Variants in LZTS3 observed in about 807,000 individuals in gnomAD.
LZTS3 encodes leucine zipper tumor suppressor family member 3, also known as leucine zipper putative tumor suppressor 3.
Under a neutral mutation model 50.9 loss-of-function variants are expected in LZTS3, and 16 were observed. That is an observed-to-expected ratio of 0.31 (90% CI 0.21 to 0.48). The LOEUF is 0.48. Among genes scored for constraint, LZTS3 ranks in the 20% least tolerant of loss-of-function variants. The pLI is 0.99. For synonymous variants in LZTS3, 408 were observed against 410.6 expected, an observed-to-expected ratio of 0.99 and a Z score of 0.08; for missense variants, 816 against 931.0, an observed-to-expected ratio of 0.88 and a Z score of 1.61.
At chr20:3,169,498 G>A (rs1397211740) in intron 1 of LZTS3, among the ~76,000 whole-genome samples, 4 of 152,182 alleles carry the variant, frequency 2.6e-5, no homozygotes, top group East Asian at 1.9e-4. Context: ...GGGCACCAGC[G>A]TGCGTGTGAC....
intron 1 of LZTS3, among the ~76,000 whole-genome samples, chr20:3,172,272 T>A (rs1484903014): frequency 6.6e-6 from 1 of 152,226 alleles, no homozygotes; most frequent in Non-Finnish European, 1.5e-5. Context: ...CTTGACTGAT[T>A]AGGGGTGCAA....
chr20:3,162,794 T>C lies in LZTS3; in HGVS notation c.*1660A>G, dbSNP rs1367810892. On this transcript the variant is annotated 3_prime_UTR_variant, in exon 5 of 5. Coordinates refer to ENST00000337576, the MANE Select transcript of LZTS3 (RefSeq NM_001365618.1). The surrounding 1 kb of genome is among the most constrained non-coding windows in gnomAD (Gnocchi z 5.0). ...TTCTATTTTTTTCTTACTAATGCCT[T>C]CTCTTCTCCCTGCCCCTGTGGCCTA... 6.6e-6 allele frequency: 1 copy of C among 152,500 alleles called. No individual in the cohort carries two copies. The highest frequency in any genetic ancestry group is 6.5e-5 in the Admixed American group (1 of 15,284). The allele number at this position is 152,500 out of a possible 1,614,324, so 9.4% of individuals were successfully genotyped here.
Position 3,167,141 on chromosome 20 carries a change from G to A in LZTS3, c.23C>T (p.Pro8Leu). 6.7e-7 allele frequency: 1 copy of A among 1,488,528 alleles called. No homozygotes were observed. Among genetic ancestry groups the A allele is most frequent in the Non-Finnish European group, 8.9e-7 (1 of 1,124,776 alleles). The allele number at this position is 1,488,528 out of a possible 1,614,324, so 92.2% of individuals were successfully genotyped here. MAKLETL[P>L]VRADPGRDPL... ...ATCCCGCCCTGGGTCAGCGCGCACA[G>A]GCAGCGTCTCCAGCTTCGCCATGAC... The change falls in exon 3 of 5, where the codon CCT becomes CTT. Residue 8 changes from proline to leucine, a missense_variant. Pro to Leu is a moderately conservative substitution (Grantham distance 98). Transcript: ENST00000337576.
intron 1 of LZTS3, among the ~76,000 whole-genome samples, chr20:3,172,064 C>A (rs1027187614): frequency 6.6e-6 from 1 of 152,184 alleles, no homozygotes; most frequent in African/African-American, 2.4e-5. Context: ...CTCTAGCCAG[C>A]CCCTCCATCC....
intron 1 of LZTS3, 47 bp from the exon 2 acceptor site, chr20:3,168,008 T>C: frequency 3.2e-6 from 1 of 311,166 alleles, no homozygotes; most frequent in Non-Finnish European, 4.5e-6. Context: ...GGCTGCCGCG[T>C]GCCAGGCGCC....
chr20:3,169,281 C>T (rs962629666), intron 1 of LZTS3, among the ~76,000 whole-genome samples: 2 of 152,204 alleles, frequency 1.3e-5, no homozygotes, highest in African/African-American at 2.4e-5. Flanking sequence ...TATGCCTCAG[C>T]CCTGCAACCC....
rs1344325675 is a variant in LZTS3, at chr20:3,164,424, A to G, written c.*30T>C. 4 of 1,500,842 alleles carry G rather than the reference A, an allele frequency of 2.7e-6. No individual in the cohort carries two copies. Among genetic ancestry groups the G allele is most frequent in the Non-Finnish European group, 3.6e-6 (4 of 1,123,412 alleles). 93.0% of individuals were successfully genotyped at this position (1,500,842 alleles called of 1,614,324 possible). A position where few individuals can be genotyped will look rare whatever the true frequency, so the allele number is the denominator to read the frequency against. ...GGGGACTCTGGCCTTTTGACAGGAC[A>G]TGTGTCAAAATGCCGAGTGCCCAGG... On this transcript the variant is annotated 3_prime_UTR_variant, in exon 5 of 5. Coordinates refer to ENST00000337576, the MANE Select transcript of LZTS3 (RefSeq NM_001365618.1).
In LZTS3 at chr20:3,164,909, G is replaced by C. The variant is rs1316625120; in HGVS notation, c.1567C>G (p.Pro523Ala). ...PAACLKPALT[P>A]VDPAEPQDAL... ...TCCTGTGGCTCGGCCGGGTCCACGG[G>C]GGTCAGCGCCGGCTTGAGGCAGGCG... The change falls in exon 5 of 5, where the codon CCC becomes GCC. Residue 523 changes from proline to alanine, a missense_variant. Pro to Ala is a conservative substitution (Grantham distance 27, BLOSUM62 -1). Coordinates refer to ENST00000337576, the MANE Select transcript of LZTS3 (RefSeq NM_001365618.1). 6.5e-7 allele frequency: 1 copy of C among 1,549,774 alleles called. No homozygotes were observed. Among genetic ancestry groups the C allele is most frequent in the Admixed American group, 1.9e-5 (1 of 51,832 alleles).
At chr20:3,172,788 G>T (rs2066915294) in intron 1 of LZTS3, among the ~76,000 whole-genome samples, 1 of 152,156 alleles carries the variant, frequency 6.6e-6, no homozygotes, top group Non-Finnish European at 1.5e-5. Context: ...AGAGCAGGAG[G>T]GGTTTCCAGG....
At position 3,167,450 on chromosome 20, in the gene LZTS3, A is replaced by AGCTC. The variant is rs1240828597; in HGVS notation, c.-18-273_-18-270dup. Reference sequence around the variant, plus strand: ...AGCGTTGCTCAGCTCAGCTCAGCTCAGCTCAGCTCAGCGTTCCATTCCTAA... The same window carrying AGCTC: ...AGCGTTGCTCAGCTCAGCTCAGCTCAGCTCGCTCAGCTCAGCGTTCCATTCCTAA... On this transcript the variant is annotated intron_variant, in intron 2 of 4. Transcript: ENST00000337576. 21 of 1,207,922 alleles carry AGCTC rather than the reference A, an allele frequency of 1.7e-5. No homozygotes were observed. The East Asian group carries it at 5.8e-4, about 33-fold the overall frequency. 74.8% of individuals were successfully genotyped at this position (1,207,922 alleles called of 1,614,324 possible).
In LZTS3 at chr20:3,167,854, C is replaced by G; in HGVS notation, c.-135G>C. On this transcript the variant is annotated 5_prime_UTR_variant, in exon 2 of 5. Coordinates refer to ENST00000337576, the MANE Select transcript of LZTS3 (RefSeq NM_001365618.1). ...CTCAAGCCTGGGACCCTCCGAGGCC[C>G]GGTCTGCAGGGGCCATGTGCCTCAC... The G allele has an allele frequency of 8.1e-6, 8 of 985,354 alleles. No individual in the cohort carries two copies. Among genetic ancestry groups the G allele is most frequent in the Non-Finnish European group, 9.6e-6 (8 of 829,916 alleles). The allele number at this position is 985,354 out of a possible 1,614,324, so 61.0% of individuals were successfully genotyped here. A position where few individuals can be genotyped will look rare whatever the true frequency, so the allele number is the denominator to read the frequency against.
In LZTS3 at chr20:3,163,845, G is replaced by A. The variant is rs2066764768; in HGVS notation, c.*609C>T. On this transcript the variant is annotated 3_prime_UTR_variant, in exon 5 of 5. Transcript: ENST00000337576. The surrounding 1 kb of genome is among the most constrained non-coding windows in gnomAD (Gnocchi z 5.2). ...GGGACACACACTCACAACCAGGCCA[G>A]GCTCTGAGGCCTGAGTCCAAGAGAT... 1 of 152,474 alleles carries A rather than the reference G, an allele frequency of 6.6e-6. No homozygotes were observed. The highest frequency in any genetic ancestry group is 1.5e-5 in the Non-Finnish European group (1 of 68,208). 9.4% of individuals were successfully genotyped at this position (152,474 alleles called of 1,614,324 possible). A position where few individuals can be genotyped will look rare whatever the true frequency, so the allele number is the denominator to read the frequency against.
rs970960627 is a variant in LZTS3 at position 3,163,244 on chromosome 20, A to G, written c.*1210T>C. 1 of 152,644 alleles carries G rather than the reference A, an allele frequency of 6.6e-6. No individual in the cohort carries two copies. Among genetic ancestry groups the G allele is most frequent in the African/African-American group, 2.4e-5 (1 of 41,460 alleles). The allele number at this position is 152,644 out of a possible 1,614,324, so 9.5% of individuals were successfully genotyped here. A position where few individuals can be genotyped will look rare whatever the true frequency, so the allele number is the denominator to read the frequency against. ...GAGGGCCCCAAGAGAAGCAGCTGAC[A>G]TTGGCTGACCTAACCCCTCATGCCA... On this transcript the variant is annotated 3_prime_UTR_variant, in exon 5 of 5. Transcript: ENST00000337576. This position sits in a 1 kb window ranked among gnomAD's most constrained non-coding sequence, Gnocchi z 5.2.
intron 1 of LZTS3, 43 bp from the exon 2 acceptor site, chr20:3,168,004 C>T (rs1007515581): frequency 2.7e-6 from 1 of 373,410 alleles, no homozygotes; most frequent in South Asian, 1.1e-4. Context: ...GCGGGGCTGC[C>T]GCGTGCCAGG....
chr20:3,169,883 A>G (rs78247050), intron 1 of LZTS3, among the ~76,000 whole-genome samples: 2 of 113,706 alleles, frequency 1.8e-5, no homozygotes, highest in Non-Finnish European at 4.4e-5. Flanking sequence ...TTTCCTTAAA[A>G]AAAAAAAAAA....
At chr20:3,172,724 C>T (rs1238498504) in intron 1 of LZTS3, among the ~76,000 whole-genome samples, 1 of 152,116 alleles carries the variant, frequency 6.6e-6, no homozygotes, top group Non-Finnish European at 1.5e-5. Flanking sequence ...AGGGCAAATG[C>T]CTGTGGGAAT....
intron 1 of LZTS3, among the ~76,000 whole-genome samples, chr20:3,172,993 G>C (rs1170765276): frequency 6.6e-6 from 1 of 151,814 alleles, no homozygotes; most frequent in Admixed American, 6.6e-5. Flanking sequence ...TGAGGGGGCC[G>C]AGAGCGCCCC....
chr20:3,170,903 G>C (rs1448703120), intron 1 of LZTS3, among the ~76,000 whole-genome samples: 1 of 152,220 alleles, frequency 6.6e-6, no homozygotes, highest in Non-Finnish European at 1.5e-5. Context: ...AGAGAAGACA[G>C]TTATTTAAGG....
rs2066752856 is a variant in LZTS3 at position 3,162,754 on chromosome 20, T to A, written c.*1700A>T. On this transcript the variant is annotated 3_prime_UTR_variant, in exon 5 of 5. Transcript: ENST00000337576. This position sits in a 1 kb window ranked among gnomAD's most constrained non-coding sequence, Gnocchi z 5.0. Reference sequence around the variant, plus strand: ...TGTGGTTGGACGTCCCAAAGCTGAGTCTGTTCATATTTTTTTCTATTTTTT... The same window carrying A: ...TGTGGTTGGACGTCCCAAAGCTGAGACTGTTCATATTTTTTTCTATTTTTT... 1 of 152,048 alleles carries A rather than the reference T, an allele frequency of 6.6e-6. No homozygotes were observed. The highest frequency in any genetic ancestry group is 2.4e-5 in the African/African-American group (1 of 41,356). The allele number at this position is 152,048 out of a possible 1,614,324, so 9.4% of individuals were successfully genotyped here. A position where few individuals can be genotyped will look rare whatever the true frequency, so the allele number is the denominator to read the frequency against.
Sources: gnomAD v4.1 joint callset for allele counts (sites outside exome capture counted in the v4.1 genomes callset) on GRCh38, gnomAD v4.1.1 for gene constraint, Gnocchi (gnomAD v3.1) non-coding constraint, MANE v1.5 for transcripts, NCBI Gene and HGNC (gene_info 2026-07-23, HGNC 2026-07-21) for gene names.